SLC25A21: variants seen among roughly 807,000 people sequenced by gnomAD.
SLC25A21 encodes the protein mitochondrial 2-oxodicarboxylate carrier.
Under a neutral mutation model 43.8 loss-of-function variants are expected in SLC25A21, and 47 were observed. The observed-to-expected ratio is 1.07, with a 90% confidence interval of 0.85 to 1.37. The LOEUF (loss-of-function observed/expected upper bound fraction) is 1.37, where lower values mean the gene tolerates loss of function less well. SLC25A21 is among the 40% of genes most tolerant of loss of function. The pLI, the probability that SLC25A21 is intolerant of heterozygous loss-of-function variation, is 0.00. For missense variants in SLC25A21, 352 were observed against 350.2 expected (o/e 1.00, Z -0.04); for synonymous variants, 131 against 121.3 (o/e 1.08, Z -0.52).
Position 36,680,729 on chromosome 14 carries a change from A to G in SLC25A21, c.839-10T>C. ...AGCATCACTGCACCACCTAGAAAAGAAAAGAGCTGTTTTTTATTGCAAATC... is the reference window on the plus strand; with the variant it reads ...AGCATCACTGCACCACCTAGAAAAGGAAAGAGCTGTTTTTTATTGCAAATC... On this transcript the variant is annotated splice_polypyrimidine_tract_variant and intron_variant, in intron 9 of 9. Transcript: ENST00000331299. 6.2e-7 allele frequency: 1 copy of G among 1,609,758 alleles called. No individual in the cohort carries two copies. Among genetic ancestry groups the G allele is most frequent in the Non-Finnish European group, 8.5e-7 (1 of 1,178,792 alleles).
Position 36,875,024 on chromosome 14 carries a change from A to G in SLC25A21, c.71-20T>C, listed in dbSNP as rs17105591. The G allele has an allele frequency of 1.4e-4, 232 of 1,603,448 alleles. No homozygotes were observed. The highest frequency in any genetic ancestry group is 1.9e-4 in the Non-Finnish European group (223 of 1,171,838). On this transcript the variant is annotated intron_variant, in intron 1 of 9. Coordinates refer to ENST00000331299, the MANE Select transcript of SLC25A21 (RefSeq NM_030631.4). ...CAAGACCTGAAAGATGATAAAGAAAATCCAATAAACACTTATGTAAACACT... is the reference window on the plus strand; with the variant it reads ...CAAGACCTGAAAGATGATAAAGAAAGTCCAATAAACACTTATGTAAACACT...
chr14:37,029,335 A>G (rs1594759137), intron 1 of SLC25A21, among the ~76,000 whole-genome samples: 1 of 152,342 alleles, frequency 6.6e-6, no homozygotes, highest in African/African-American at 2.4e-5. Context: ...AAGGAGGGTT[A>G]AAGAGGAATG....
chr14:37,062,018 G>GC (rs5807929), intron 1 of SLC25A21, among the ~76,000 whole-genome samples: 36,247 of 152,034 alleles, frequency 0.24, 4,784 homozygotes, highest in Non-Finnish European at 0.29. Flanking sequence ...AAACAGTATG[G>GC]CCCCCCTGTA....
chr14:36,690,744 G>T (rs1200346943), intron 7 of SLC25A21, among the ~76,000 whole-genome samples: 6 of 152,116 alleles, frequency 3.9e-5, no homozygotes, highest in Non-Finnish European at 7.4e-5. Context: ...GGAGGAAATT[G>T]CTCCTGGGAT....
At chr14:36,762,609 T>C (rs1886202792) in intron 3 of SLC25A21, among the ~76,000 whole-genome samples, 1 of 152,226 alleles carries the variant, frequency 6.6e-6, no homozygotes, top group African/African-American at 2.4e-5. Context: ...TCTAATATAA[T>C]GTGGCTATCA....
intron 1 of SLC25A21, among the ~76,000 whole-genome samples, chr14:37,105,886 C>T (rs11620941): frequency 0.4 from 60,039 of 151,926 alleles, 14,221 homozygotes; most frequent in Non-Finnish European, 0.52. Flanking sequence ...GCCAATAATG[C>T]TACATATTGT....
chr14:36,983,354 T>C (rs1191145824), intron 1 of SLC25A21, among the ~76,000 whole-genome samples: 3 of 152,180 alleles, frequency 2.0e-5, no homozygotes, highest in Non-Finnish European at 4.4e-5. Flanking sequence ...CACAAATACA[T>C]TTGGGTACCT....
At chr14:37,027,232 A>G (rs926855405) in intron 1 of SLC25A21, among the ~76,000 whole-genome samples, 7 of 145,806 alleles carry the variant, frequency 4.8e-5, no homozygotes, top group Admixed American at 4.7e-4. Flanking sequence ...TCTAGGGATA[A>G]TGACTTGACA....
At chr14:37,106,753 C>T (rs1175441812) in intron 1 of SLC25A21, among the ~76,000 whole-genome samples, 2 of 47,926 alleles carry the variant, frequency 4.2e-5, no homozygotes, top group Non-Finnish European at 2.5e-4. Flanking sequence ...CCTTTTGAAA[C>T]CCTTAATAAA....
At chr14:37,000,003 C>T (rs187451767) in intron 1 of SLC25A21, among the ~76,000 whole-genome samples, 132 of 152,178 alleles carry the variant, frequency 8.7e-4, no homozygotes, top group South Asian at 4.6e-3. Context: ...CAATAGTGAA[C>T]GAATAAATGA....
At chr14:36,723,078 T>C (rs1054203000) in intron 6 of SLC25A21, among the ~76,000 whole-genome samples, 1 of 152,202 alleles carries the variant, frequency 6.6e-6, no homozygotes, top group African/African-American at 2.4e-5. Context: ...TATCCCCTTG[T>C]TGGATAAAAG....
intron 2 of SLC25A21, among the ~76,000 whole-genome samples, chr14:36,858,258 C>T (rs1266115759): frequency 2.0e-5 from 3 of 152,206 alleles, no homozygotes; most frequent in Admixed American, 6.5e-5. Flanking sequence ...TACCCCCACC[C>T]TCCAGAGCCT....
At chr14:36,691,829 A>G (rs1266621078) in intron 7 of SLC25A21, among the ~76,000 whole-genome samples, 3 of 152,216 alleles carry the variant, frequency 2.0e-5, no homozygotes, top group Non-Finnish European at 2.9e-5. Context: ...TTTCCTCTAA[A>G]TATTTTCTGA....
At chr14:37,113,680 C>G (rs1393272863) in intron 1 of SLC25A21, among the ~76,000 whole-genome samples, 1 of 151,732 alleles carries the variant, frequency 6.6e-6, no homozygotes, top group African/African-American at 2.4e-5. Context: ...ATGGTAAAAC[C>G]CTGTCTCCAC....
At chr14:37,151,035 CTCTT>C (rs1433237303) in intron 1 of SLC25A21, among the ~76,000 whole-genome samples, 3 of 152,050 alleles carry the variant, frequency 2.0e-5, no homozygotes, top group African/African-American at 4.8e-5. Context: ...CTCTCTCTCT[CTCTT>C]TCTCTTCATT....
intron 3 of SLC25A21, among the ~76,000 whole-genome samples, chr14:36,762,379 C>T (rs890446837): frequency 3.9e-5 from 6 of 152,186 alleles, no homozygotes; most frequent in East Asian, 1.9e-4. Context: ...AAGGCAGCTC[C>T]GGGTCACAGT....
At position 36,679,969 on chromosome 14, in the gene SLC25A21, T is replaced by C; in HGVS notation, c.*689A>G. ...ATGCTTAAACAACAGTGTTTTAACA[T>C]TCTGTTTTAAACAATGTTTTAAAAT... On this transcript the variant is annotated 3_prime_UTR_variant, in exon 10 of 10. Transcript: ENST00000331299. The C allele has an allele frequency of 4.9e-6, 4 of 809,742 alleles. No homozygotes were observed. Among genetic ancestry groups the C allele is most frequent in the South Asian group, 6.0e-5 (1 of 16,590 alleles). The allele number at this position is 809,742 out of a possible 1,614,324, so 50.2% of individuals were successfully genotyped here.
chr14:37,159,224 A>AC (rs943690991), intron 1 of SLC25A21, among the ~76,000 whole-genome samples: 3 of 151,590 alleles, frequency 2.0e-5, no homozygotes, highest in Non-Finnish European at 4.4e-5. Context: ...AGAAAAAAAA[A>AC]AATCTTAAAA....
At chr14:37,046,440 C>T (rs1374325917) in intron 1 of SLC25A21, among the ~76,000 whole-genome samples, 1 of 152,110 alleles carries the variant, frequency 6.6e-6, no homozygotes, top group African/African-American at 2.4e-5. Context: ...GATTAAGTAG[C>T]TTCAAAACGG....
Sources: gnomAD v4.1 joint callset for allele counts (sites outside exome capture counted in the v4.1 genomes callset) on GRCh38, gnomAD v4.1.1 for gene constraint, MANE v1.5 for transcripts, NCBI Gene and HGNC (gene_info 2026-07-23, HGNC 2026-07-21) for gene names.